PTCH1: variants seen among roughly 807,000 people sequenced by gnomAD.
The protein encoded by PTCH1 is protein patched homolog 1.
PTCH1 carries 14 observed loss-of-function variants against 144.6 expected under a neutral mutation model. The ratio of observed to expected loss-of-function variants is 0.10; its 90% CI spans 0.06 to 0.15. The LOEUF (loss-of-function observed/expected upper bound fraction) is 0.15. PTCH1 is among the 10% of genes least tolerant of loss of function. The pLI is 1.00. For missense variants in PTCH1, 1,623 were observed against 1,948.3 expected, an observed-to-expected ratio of 0.83 and a Z score of 3.14; for synonymous variants, 833 against 793.6, an observed-to-expected ratio of 1.05 and a Z score of -0.83.
At chr9:95,494,002 C>T (rs1166486713) in intron 2 of PTCH1, among the ~76,000 whole-genome samples, 1 of 152,160 alleles carries the variant, frequency 6.6e-6, no homozygotes, top group African/African-American at 2.4e-5. Context: ...GAGAATGTGC[C>T]TTCATGAAGT....
At chr9:95,468,693 T>G in intron 14 of PTCH1, 58 bp downstream of exon 14, 5 of 1,593,896 alleles carry the variant, frequency 3.1e-6, no homozygotes, top group Non-Finnish European at 3.4e-6. Context: ...TCTGATGAAC[T>G]CCAAAGGTTC....
intron 9 of PTCH1, 108 bp from the exon 10 acceptor site, chr9:95,477,810 C>T: frequency 2.0e-6 from 3 of 1,509,722 alleles, no homozygotes; most frequent in Non-Finnish European, 2.7e-6. Context: ...CAGAACTTAT[C>T]CAACAACAAC....
rs1430873027 is a variant in PTCH1 at position 95,443,953 on chromosome 9, T to C, written c.*2440A>G. 1 of 152,606 alleles carries C rather than the reference T, an allele frequency of 6.6e-6. No homozygotes were observed. 9.5% of individuals were successfully genotyped at this position (152,606 alleles called of 1,614,324 possible). Reference sequence around the variant, plus strand: ...AACTATTTAACATTAGTAAGCACTCTATACAAATAAAAATTCTGTCCAAAA... The same window carrying C: ...AACTATTTAACATTAGTAAGCACTCCATACAAATAAAAATTCTGTCCAAAA... On this transcript the variant is annotated 3_prime_UTR_variant, in exon 24 of 24. Transcript: ENST00000331920.
intron 12 of PTCH1, among the ~76,000 whole-genome samples, chr9:95,474,605 A>T (rs1840875030): frequency 6.6e-6 from 1 of 152,162 alleles, no homozygotes; most frequent in Non-Finnish European, 1.5e-5. Flanking sequence ...TTGGCATAGA[A>T]TCTTTTCTCC....
At chr9:95,494,240 A>C in intron 2 of PTCH1, 1 of 985,464 alleles carries the variant, frequency 1.0e-6, no homozygotes, top group Non-Finnish European at 1.2e-6. Flanking sequence ...GCTCCCTCTG[A>C]ATGGCTTTCC....
intron 14 of PTCH1, among the ~76,000 whole-genome samples, chr9:95,468,390 G>A (rs1291872073): frequency 6.6e-6 from 1 of 152,128 alleles, no homozygotes; most frequent in Non-Finnish European, 1.5e-5. Context: ...GTAGAGACAG[G>A]GTTGGCCTTT....
At position 95,468,854 on chromosome 9, in the gene PTCH1, G is replaced by A; in HGVS notation, c.2147C>T (p.Ser716Phe). ...SSTRDLLSQF[S>F]DSSLHCLEPP... is the part of the protein sequence containing the mutation. ...CTCGAGGCAGTGGAGGCTGGAGTCG[G>A]AGAACTGGGAGAGCAGGTCCCTTGT... The change falls in exon 14 of 24, where the codon TCC (serine) becomes TTC (phenylalanine). Residue 716 changes from serine to phenylalanine, a missense_variant. Physicochemically the swap from Ser to Phe is radical, Grantham distance 155. Around this residue, in one of 7 missense-constraint regions of PTCH1, gnomAD observed 179 missense variants for 165.7 expected, o/e 1.08. Coordinates refer to ENST00000331920, the MANE Select transcript of PTCH1 (RefSeq NM_000264.5). 6.2e-7 allele frequency: 1 copy of A among 1,614,198 alleles called. No homozygotes were observed. Among genetic ancestry groups the A allele is most frequent in the Non-Finnish European group, 8.5e-7 (1 of 1,180,032 alleles).
At chr9:95,477,945 A>G (rs901028314) in intron 9 of PTCH1, 110 bp downstream of exon 9, 1 of 1,567,034 alleles carries the variant, frequency 6.4e-7, no homozygotes, top group African/African-American at 1.4e-5. Flanking sequence ...TCTGTCCTGG[A>G]TGCACATCGA....
upstream of PTCH1, among the ~76,000 whole-genome samples, chr9:95,513,215 G>C (rs1564096340): frequency 6.6e-6 from 1 of 152,242 alleles, no homozygotes; most frequent in African/African-American, 2.4e-5. Flanking sequence ...AAAAACCACA[G>C]TGAGATTTAA....
At position 95,508,416 on chromosome 9, in the gene PTCH1, C is replaced by A. The variant is rs1473881970; in HGVS notation, c.-55G>T. Reference sequence around the variant, plus strand: ...GACGGAGGCTTCCCGGGCGGCCCGGCGCGCTGCTGCCGCTGCTGCGGGCTC... The same window carrying A: ...GACGGAGGCTTCCCGGGCGGCCCGGAGCGCTGCTGCCGCTGCTGCGGGCTC... On this transcript the variant is annotated 5_prime_UTR_variant, in exon 1 of 24. Transcript: ENST00000331920. The A allele has an allele frequency of 1.9e-6, 2 of 1,061,158 alleles. No individual in the cohort carries two copies. Among genetic ancestry groups the A allele is most frequent in the Non-Finnish European group, 2.3e-6 (2 of 881,142 alleles). The allele number at this position is 1,061,158 out of a possible 1,614,324, so 65.7% of individuals were successfully genotyped here. A position where few individuals can be genotyped will look rare whatever the true frequency, so the allele number is the denominator to read the frequency against.
intron 6 of PTCH1, 48 bp downstream of exon 6, chr9:95,480,342 A>T (rs758675766): frequency 2.3e-5 from 36 of 1,594,714 alleles, no homozygotes; most frequent in Non-Finnish European, 2.1e-5. Context: ...GACACAAAAA[A>T]GTGTTTTGCT....
rs369083374 is a variant in PTCH1, at chr9:95,447,020, G to C, written c.4236C>G (p.Pro1412=). Residue 1412 remains proline (P), a synonymous_variant, in exon 23 of 24, where the codon CCC becomes CCG. Transcript: ENST00000331920. ...CACACCGGACGTGGAAAGGCACGTG[G>C]GGGTCCTCAAACAGGCCGTGGTCAG... is the stretch of plus-strand genomic sequence containing the variant. The part of the protein sequence containing the change: ...PETDHGLFED[P]HVPFHVRCER... 33 of 1,614,106 alleles carry C rather than the reference G, an allele frequency of 2.0e-5. No individual in the cohort carries two copies. Among genetic ancestry groups the C allele is most frequent in the Non-Finnish European group, 2.5e-6 (3 of 1,180,044 alleles).
At chr9:95,481,274 T>A (rs1054172867) in intron 5 of PTCH1, among the ~76,000 whole-genome samples, 1 of 152,196 alleles carries the variant, frequency 6.6e-6, no homozygotes, top group Non-Finnish European at 1.5e-5. Context: ...CATCTAAAAC[T>A]GTACACTGAA....
rs1454132706 is a variant in PTCH1 at position 95,469,951 on chromosome 9, T to G, written c.1729-20A>C. ...CGCTGCCTGGGAGCAGAAAAAAAAT[T>G]CAGAGGTCACCAACATGCCTCCGCC... On this transcript the variant is annotated intron_variant, in intron 12 of 23. Transcript: ENST00000331920. 1 of 1,577,014 alleles carries G rather than the reference T, an allele frequency of 6.3e-7. No homozygotes were observed.
At position 95,506,332 on chromosome 9, in the gene PTCH1, G is replaced by A. The variant is rs1360332726; in HGVS notation, c.394+75C>T. ...CCGGCCGCAGCCAGGCTCTAGGTGT[G>A]CGCTGGCGAATATCTCTATCAACCG... is the stretch of plus-strand genomic sequence containing the variant. On this transcript the variant is annotated intron_variant, in intron 2 of 23. Coordinates refer to ENST00000331920, the MANE Select transcript of PTCH1 (RefSeq NM_000264.5). 3 of 1,502,958 alleles carry A rather than the reference G, an allele frequency of 2.0e-6. No individual in the cohort carries two copies. In the East Asian group the frequency reaches 7.0e-5, roughly 35 times the overall value. The allele number at this position is 1,502,958 out of a possible 1,614,324, so 93.1% of individuals were successfully genotyped here.
At chr9:95,514,621 GGTGTGTGTGTGT>G (rs3222829) in intron 1 of PTCH1, 2 of 148,564 alleles carry the variant, frequency 1.3e-5, no homozygotes, top group African/African-American at 5.0e-5. Context: ...GAAAATAAAA[GGTGTGTGTGTGT>G]GTGTGTGTGT....
chr9:95,452,356 C>CACACACACACACACACA (rs772065761), intron 20 of PTCH1: 2 of 150,910 alleles, frequency 1.3e-5, no homozygotes, highest in Non-Finnish European at 2.9e-5. Context: ...CACACACACA[C>CACACACACACACACACA]AACCTCTCAG....
At chr9:95,486,662 G>C (rs1841986651) in intron 2 of PTCH1, among the ~76,000 whole-genome samples, 1 of 152,270 alleles carries the variant, frequency 6.6e-6, no homozygotes, top group South Asian at 2.1e-4. Flanking sequence ...CCAGCACGGG[G>C]TATGCCCAAA....
At position 95,449,994 on chromosome 9, in the gene PTCH1, A is replaced by C. The variant is rs1588519820; in HGVS notation, c.3450-54T>G. On this transcript the variant is annotated intron_variant, in intron 20 of 23. Coordinates refer to ENST00000331920, the MANE Select transcript of PTCH1 (RefSeq NM_000264.5). The surrounding 1 kb of genome is among the most constrained non-coding windows in gnomAD (Gnocchi z 5.3). ...GCGCTGTGACAGGGTGGATCGCGCC[A>C]CCCTCCGTGTGCCCGACACAGCAGC... is the stretch of plus-strand genomic sequence containing the variant. 1.3e-6 allele frequency: 2 copies of C among 1,503,680 alleles called. No individual in the cohort carries two copies. Among genetic ancestry groups the C allele is most frequent in the East Asian group, 2.3e-5 (1 of 43,640 alleles). The allele number at this position is 1,503,680 out of a possible 1,614,324, so 93.1% of individuals were successfully genotyped here. A position where few individuals can be genotyped will look rare whatever the true frequency, so the allele number is the denominator to read the frequency against.
Sources: allele counts gnomAD v4.1 joint callset (sites outside exome capture counted in the v4.1 genomes callset), GRCh38; gene constraint gnomAD v4.1.1; regional missense constraint gnomAD v4.1.1; non-coding constraint Gnocchi (gnomAD v3.1); transcripts MANE v1.5; gene names NCBI Gene and HGNC (gene_info 2026-07-23, HGNC 2026-07-21).